The following LCLAT1 variants were observed in gnomAD, a reference collection of about 807,000 sequenced individuals.
LCLAT1 encodes 1-AGP acyltransferase 8.
LCLAT1 carries 11 observed loss-of-function variants against 30.7 expected under a neutral mutation model. The ratio of observed to expected loss-of-function variants is 0.36; its 90% CI spans 0.23 to 0.59. The LOEUF is 0.59. Ranked by LOEUF, LCLAT1 falls within the 20% of genes least tolerant of loss-of-function variation. The probability of loss-of-function intolerance (pLI) is 0.77; values close to 1 mark genes in which losing one functional copy is unlikely to be tolerated. For missense variants in LCLAT1, 402 were observed against 458.6 expected (o/e 0.88, Z 1.13); for synonymous variants, 155 against 151.3 (o/e 1.02, Z -0.18).
At chr2:30,494,694 TG>T (rs1422427974) in intron 1 of LCLAT1, among the ~76,000 whole-genome samples, 1 of 151,788 alleles carries the variant, frequency 6.6e-6, no homozygotes, top group Non-Finnish European at 1.5e-5. Flanking sequence ...TTTAAACGTC[TG>T]CAGTAGCTTT....
intron 5 of LCLAT1, among the ~76,000 whole-genome samples, chr2:30,620,136 T>G (rs1668171918): frequency 6.6e-6 from 1 of 152,166 alleles, no homozygotes; most frequent in African/African-American, 2.4e-5. Flanking sequence ...CAAAAAAACC[T>G]AGGGTTTTAT....
chr2:30,458,406 T>G (rs1398621034), intron 1 of LCLAT1, among the ~76,000 whole-genome samples: 1 of 152,176 alleles, frequency 6.6e-6, no homozygotes. Context: ...GCCAAGGACC[T>G]TGGTAGATTT....
chr2:30,508,287 A>G (rs1484289987), intron 1 of LCLAT1, among the ~76,000 whole-genome samples: 1 of 152,036 alleles, frequency 6.6e-6, no homozygotes, highest in African/African-American at 2.4e-5. Context: ...TAGTTTTCTG[A>G]AATCTCGTTT....
chr2:30,522,975 AT>A (rs1225571437), intron 1 of LCLAT1, among the ~76,000 whole-genome samples: 3 of 152,028 alleles, frequency 2.0e-5, no homozygotes, highest in African/African-American at 4.8e-5. Flanking sequence ...TAGCTAATTT[AT>A]TTTTTTTCTG....
intron 3 of LCLAT1, among the ~76,000 whole-genome samples, chr2:30,558,547 G>A (rs1444384926): frequency 2.8e-5 from 4 of 142,076 alleles, no homozygotes; most frequent in South Asian, 4.4e-4. Flanking sequence ...GCAGTGAGCC[G>A]AGATCACACC....
intron 1 of LCLAT1, among the ~76,000 whole-genome samples, chr2:30,509,871 G>A (rs1684855370): frequency 1.3e-5 from 2 of 152,130 alleles, no homozygotes; most frequent in Non-Finnish European, 2.9e-5. Flanking sequence ...ACAAAGCAGA[G>A]TGCTATATGA....
intron 5 of LCLAT1, among the ~76,000 whole-genome samples, chr2:30,569,912 T>A (rs1372418937): frequency 1.3e-5 from 2 of 152,202 alleles, no homozygotes; most frequent in Admixed American, 1.3e-4. Context: ...GAGAATACAG[T>A]TCTTCATGCC....
rs575904702 is a variant in LCLAT1, at chr2:30,603,208, T to C, written c.628+35032T>C. On this transcript the variant is annotated intron_variant, in intron 5 of 5. Transcript: ENST00000379509. Reference sequence around the variant, plus strand: ...TAAACATTCAGAGAATTAATAAACATTCAGAGAATTGTTTTCTCTTTGCCA... The same window carrying C: ...TAAACATTCAGAGAATTAATAAACACTCAGAGAATTGTTTTCTCTTTGCCA... Among the ~76,000 whole-genome samples the C allele has an allele frequency of 6.1e-4, 93 of 152,182 alleles. 1 individual carries two copies. Among genetic ancestry groups the C allele is most frequent in the African/African-American group, 2.1e-3 (89 of 41,532 alleles).
chr2:30,553,357 T>C (rs1256428244), intron 3 of LCLAT1, among the ~76,000 whole-genome samples: 1 of 152,150 alleles, frequency 6.6e-6, no homozygotes, highest in Non-Finnish European at 1.5e-5. Context: ...TACAACTGCT[T>C]TGAGAAGGCG....
intron 3 of LCLAT1, among the ~76,000 whole-genome samples, chr2:30,551,136 G>A (rs966566204): frequency 2.6e-5 from 4 of 152,048 alleles, no homozygotes; most frequent in African/African-American, 9.7e-5. Flanking sequence ...ATGCCACCTT[G>A]CCTGGCTAAT....
In LCLAT1 at chr2:30,516,986, A is replaced by G. The variant is rs554497741; in HGVS notation, c.-4-8601A>G. Reference sequence around the variant, plus strand: ...GAAGCTGAGGGCCGACTAGAAGCAGAAAACTGTCATCCTGAATTCCCGGCA... The same window carrying G: ...GAAGCTGAGGGCCGACTAGAAGCAGGAAACTGTCATCCTGAATTCCCGGCA... On this transcript the variant is annotated intron_variant, in intron 1 of 5. Transcript: ENST00000379509. Among the ~76,000 whole-genome samples the G allele has an allele frequency of 5.9e-5, 9 of 152,304 alleles. No individual in the cohort carries two copies. In the East Asian group the frequency reaches 1.7e-3, roughly 29 times the overall value.
chr2:30,573,231 A>G (rs562003148), intron 5 of LCLAT1, among the ~76,000 whole-genome samples: 43 of 152,068 alleles, frequency 2.8e-4, no homozygotes, highest in Middle Eastern at 3.4e-3. Context: ...CCCCTTAAGG[A>G]TCTCTCAAAT....
intron 1 of LCLAT1, among the ~76,000 whole-genome samples, chr2:30,460,217 T>C (rs1682044298): frequency 6.6e-6 from 1 of 152,130 alleles, no homozygotes; most frequent in Non-Finnish European, 1.5e-5. Flanking sequence ...ATTCTGGCCA[T>C]GTCCTCTCTC....
chr2:30,525,624 A>T lies in LCLAT1; in HGVS notation c.34A>T (p.Thr12Ser). ...ATGGAAAGGGATTTACTTTATACTG[A>T]CTCTGTTTTGGGGAAGCTTTTTTGG... ...VSWKGIYFIL[T>S]LFWGSFFGSI... Residue 12 changes from threonine (T) to serine (S), a missense_variant, in exon 2 of 6, where the codon ACT (threonine) becomes TCT (serine). Thr to Ser is a moderately conservative substitution (Grantham distance 58). Coordinates refer to ENST00000379509, the MANE Select transcript of LCLAT1 (RefSeq NM_001002257.3). 1 of 1,613,828 alleles carries T rather than the reference A, an allele frequency of 6.2e-7. No homozygotes were observed. Among genetic ancestry groups the T allele is most frequent in the Non-Finnish European group, 8.5e-7 (1 of 1,179,790 alleles).
intron 3 of LCLAT1, among the ~76,000 whole-genome samples, chr2:30,547,805 A>T (rs1664493562): frequency 6.6e-6 from 1 of 152,070 alleles, no homozygotes; most frequent in South Asian, 2.1e-4. Flanking sequence ...AATTGTTTAT[A>T]TGACTTTTAG....
intron 1 of LCLAT1, among the ~76,000 whole-genome samples, chr2:30,514,544 C>G (rs901994197): frequency 6.6e-6 from 1 of 152,044 alleles, no homozygotes; most frequent in Non-Finnish European, 1.5e-5. Flanking sequence ...ATGTAAATAC[C>G]AAGAGCCCTC....
chr2:30,486,555 A>G (rs829679), intron 1 of LCLAT1, among the ~76,000 whole-genome samples: 109,968 of 152,008 alleles, frequency 0.72, 41,134 homozygotes, highest in East Asian at 0.87. Context: ...TTTTGTTCAC[A>G]TGGTTCCCTC....
intron 5 of LCLAT1, among the ~76,000 whole-genome samples, chr2:30,601,557 A>T (rs527666368): frequency 5.5e-4 from 84 of 152,266 alleles, no homozygotes; most frequent in Middle Eastern, 6.8e-3. Context: ...TTATAATCCC[A>T]TGTGGGCCAG....
chr2:30,463,089 A>T (rs1682244538), intron 1 of LCLAT1, among the ~76,000 whole-genome samples: 2 of 152,110 alleles, frequency 1.3e-5, no homozygotes, highest in Admixed American at 6.5e-5. Flanking sequence ...ACATAGCAAG[A>T]TCCTCTCTCT....
Sources: allele counts gnomAD v4.1 joint callset (sites outside exome capture counted in the v4.1 genomes callset), GRCh38; gene constraint gnomAD v4.1.1; transcripts MANE v1.5; gene names NCBI Gene and HGNC (gene_info 2026-07-23, HGNC 2026-07-21).